Variants in SHISA9 observed in about 807,000 individuals in gnomAD.
SHISA9 encodes the protein shisa family member 9.
SHISA9 carries 13 observed loss-of-function variants against 38.0 expected under a neutral mutation model. That is an observed-to-expected ratio of 0.34 (90% CI 0.22 to 0.54). SHISA9 has a LOEUF of 0.54. Ranked by LOEUF, SHISA9 falls within the 20% of genes least tolerant of loss-of-function variation. The pLI is 0.91. For synonymous variants in SHISA9, 275 were observed against 242.0 expected (o/e 1.14, Z -1.27); for missense variants, 538 against 575.8 (o/e 0.93, Z 0.67).
At chr16:13,382,312 G>A in the SHISA9 span, among the ~76,000 whole-genome samples, 1 of 151,928 alleles carries the variant, frequency 6.6e-6, no homozygotes, top group Non-Finnish European at 1.5e-5. Flanking sequence ...TGGATCACTT[G>A]AGGACAGGAG....
chr16:13,008,474 G>C (rs1490718139), intron 2 of SHISA9, among the ~76,000 whole-genome samples: 1 of 152,118 alleles, frequency 6.6e-6, no homozygotes, highest in African/African-American at 2.4e-5. Flanking sequence ...TAATCCCCAC[G>C]TGTTGAGGGA....
chr16:13,313,822 T>C, the SHISA9 span, among the ~76,000 whole-genome samples: 1 of 152,232 alleles, frequency 6.6e-6, no homozygotes, highest in Non-Finnish European at 1.5e-5. Context: ...GATCATTTTA[T>C]TTTTTGTCAC....
At chr16:13,054,240 A>G (rs1229255041) in intron 2 of SHISA9, among the ~76,000 whole-genome samples, 2 of 152,164 alleles carry the variant, frequency 1.3e-5, no homozygotes, top group Non-Finnish European at 2.9e-5. Context: ...CAGTTTTGTC[A>G]TCTATAAAAA....
At chr16:13,320,850 C>A in the SHISA9 span, among the ~76,000 whole-genome samples, 1 of 152,148 alleles carries the variant, frequency 6.6e-6, no homozygotes, top group African/African-American at 2.4e-5. Flanking sequence ...CTCCCTGTCA[C>A]CATTTATACA....
intron 2 of SHISA9, among the ~76,000 whole-genome samples, chr16:13,105,704 G>C (rs781698581): frequency 3.3e-5 from 5 of 152,188 alleles, no homozygotes; most frequent in Non-Finnish European, 7.3e-5. Flanking sequence ...TGCTTGTGCT[G>C]TCAGGGAGAA....
chr16:12,994,484 T>G (rs2072432220), intron 2 of SHISA9, among the ~76,000 whole-genome samples: 1 of 152,190 alleles, frequency 6.6e-6, no homozygotes, highest in African/African-American at 2.4e-5. Context: ...CACTGGCTTC[T>G]TGTGTTCCTG....
chr16:12,960,525 A>G (rs953624700), intron 2 of SHISA9, among the ~76,000 whole-genome samples: 3 of 152,210 alleles, frequency 2.0e-5, no homozygotes, highest in Non-Finnish European at 2.9e-5. Context: ...CCAAATGCCC[A>G]TCAATGATAG....
At chr16:13,306,471 G>T in the SHISA9 span, among the ~76,000 whole-genome samples, 1 of 152,198 alleles carries the variant, frequency 6.6e-6, no homozygotes, top group Admixed American at 6.5e-5. Context: ...GAGACAGAGA[G>T]ATAATGATAT....
chr16:13,444,133 G>A, the SHISA9 span, among the ~76,000 whole-genome samples: 1 of 152,210 alleles, frequency 6.6e-6, no homozygotes, highest in Non-Finnish European at 1.5e-5. Flanking sequence ...CACTTTGGGA[G>A]GCCAAGGCTG....
chr16:13,072,863 G>T (rs1362279460), intron 2 of SHISA9, among the ~76,000 whole-genome samples: 2 of 152,220 alleles, frequency 1.3e-5, no homozygotes, highest in Non-Finnish European at 2.9e-5. Flanking sequence ...GTTTTACCAT[G>T]TTGGCCAGGC....
At chr16:13,120,759 C>G (rs917144456) in intron 2 of SHISA9, among the ~76,000 whole-genome samples, 3 of 152,162 alleles carry the variant, frequency 2.0e-5, no homozygotes, top group African/African-American at 7.2e-5. Context: ...GATTAAATAA[C>G]AATACTGTTA....
At chr16:13,135,613 A>T (rs1123220) in intron 2 of SHISA9, among the ~76,000 whole-genome samples, 2 of 152,038 alleles carry the variant, frequency 1.3e-5, no homozygotes, top group Non-Finnish European at 2.9e-5. Context: ...CCTTCCTGTC[A>T]CAGGTGTTGA....
chr16:13,425,049 CA>C, the SHISA9 span, among the ~76,000 whole-genome samples: 2 of 152,338 alleles, frequency 1.3e-5, no homozygotes, highest in Non-Finnish European at 2.9e-5. Flanking sequence ...ATGGCCTTTG[CA>C]GCAACATAGT....
At chr16:13,144,188 C>G in intron 2 of SHISA9, among the ~76,000 whole-genome samples, 1 of 148,168 alleles carries the variant, frequency 6.7e-6, no homozygotes, top group African/African-American at 2.5e-5. Flanking sequence ...GAGTCTCGCT[C>G]TGTCATCAGG....
the SHISA9 span, among the ~76,000 whole-genome samples, chr16:13,542,379 A>G: frequency 6.6e-6 from 1 of 152,188 alleles, no homozygotes; most frequent in Admixed American, 6.5e-5. Context: ...TTTCACAACC[A>G]TCCTAACATG....
the SHISA9 span, among the ~76,000 whole-genome samples, chr16:13,441,656 G>C: frequency 1.6e-3 from 244 of 152,284 alleles, 2 homozygotes; most frequent in African/African-American, 5.6e-3. Flanking sequence ...TGATTCCCCT[G>C]TCCAGTCTGC....
At chr16:12,908,239 ATATT>A (rs1464636749) in intron 1 of SHISA9, among the ~76,000 whole-genome samples, 1 of 152,212 alleles carries the variant, frequency 6.6e-6, no homozygotes, top group Non-Finnish European at 1.5e-5. Context: ...TTGCTCTGCT[ATATT>A]TATTTAACTG....
chr16:13,052,960 T>C (rs2141900979), intron 2 of SHISA9, among the ~76,000 whole-genome samples: 1 of 85,162 alleles, frequency 1.2e-5, no homozygotes, highest in South Asian at 4.0e-4. Context: ...CCTTCCTTTC[T>C]TTTTTTTTTT....
chr16:13,083,509 A>T (rs1390717645), intron 2 of SHISA9, among the ~76,000 whole-genome samples: 2 of 152,198 alleles, frequency 1.3e-5, no homozygotes, highest in African/African-American at 4.8e-5. Context: ...AAGATTGTGC[A>T]GGGCAAGGAA....
Sources: gnomAD v4.1 joint callset for allele counts (sites outside exome capture counted in the v4.1 genomes callset) on GRCh38, gnomAD v4.1.1 for gene constraint, MANE v1.5 for transcripts, NCBI Gene and HGNC (gene_info 2026-07-23, HGNC 2026-07-21) for gene names.